STX3: variants seen among roughly 807,000 people sequenced by gnomAD.
STX3 encodes syntaxin-3.
In STX3, 19 loss-of-function variants were observed where a neutral mutation model predicts 40.2. The observed-to-expected ratio is 0.47, with a 90% CI of 0.33 to 0.69. STX3 has a LOEUF of 0.69. Among genes scored for constraint, STX3 ranks in the 30% least tolerant of loss-of-function variants. STX3 has a pLI of 0.02. For synonymous variants in STX3, 122 were observed against 132.2 expected, an observed-to-expected ratio of 0.92 and a Z score of 0.53; for missense variants, 364 against 366.7, an observed-to-expected ratio of 0.99 and a Z score of 0.06.
intron 2 of STX3, 79 bp from the exon 3 acceptor site, chr11:59,786,958 A>C: frequency 7.9e-7 from 1 of 1,259,084 alleles, no homozygotes; most frequent in Non-Finnish European, 1.1e-6. Flanking sequence ...TTTCACCAGC[A>C]GCTCTGCCAA....
At chr11:59,766,004 A>C (rs561404883) in intron 1 of STX3, among the ~76,000 whole-genome samples, 1 of 152,222 alleles carries the variant, frequency 6.6e-6, no homozygotes, top group Non-Finnish European at 1.5e-5. Flanking sequence ...CCACCGGCCC[A>C]CAAATCTTTA....
chr11:59,758,091 A>T (rs1195177564), intron 1 of STX3, among the ~76,000 whole-genome samples: 8 of 152,154 alleles, frequency 5.3e-5, no homozygotes, highest in Non-Finnish European at 1.0e-4. Flanking sequence ...CGATAACTGG[A>T]GGGCTTTCCG....
rs1350456432 is a variant in STX3 at position 59,799,883 on chromosome 11, A to G, written c.*31-972A>G. Reference sequence around the variant, plus strand: ...CTTGACTTTTTTGTATGTGAACTTTAAATTTTGGTTTGGCTCTGAACAATC... The same window carrying G: ...CTTGACTTTTTTGTATGTGAACTTTGAATTTTGGTTTGGCTCTGAACAATC... On this transcript the variant is annotated intron_variant, in intron 10 of 10. Transcript: ENST00000337979. The G allele has an allele frequency of 3.0e-6, 3 of 985,024 alleles. No homozygotes were observed. The African/African-American group carries it at 5.3e-5, about 17-fold the overall frequency. 61.0% of individuals were successfully genotyped at this position (985,024 alleles called of 1,614,324 possible). A position where few individuals can be genotyped will look rare whatever the true frequency, so the allele number is the denominator to read the frequency against.
In STX3 at chr11:59,791,005, A is replaced by AGACCCAGCAGGAGGATGC. The variant is rs534774585; in HGVS notation, c.357+440_357+457dup. Among the ~76,000 whole-genome samples the AGACCCAGCAGGAGGATGC allele has an allele frequency of 7.5e-3, 1,138 of 152,260 alleles. 14 individuals carry two copies. The highest frequency in any genetic ancestry group is 0.026 in the African/African-American group (1,061 of 41,508). On this transcript the variant is annotated intron_variant, in intron 5 of 10. Transcript: ENST00000337979. ...AAGCGGCATGGAAAGCTATTACCTA[A>AGACCCAGCAGGAGGATGC]GACCCAGCAGGAGGATGCGACCCAG...
chr11:59,805,192 A>G lies in STX3; in HGVS notation c.*4368A>G, dbSNP rs1471608204. On this transcript the variant is annotated 3_prime_UTR_variant, in exon 11 of 11. Transcript: ENST00000337979. ...AATTCCATCTAAAAAAAAAAAAAAA[A>G]CAAAAAAAAAAAACTGTTCTTAATA... 1 of 147,806 alleles carries G rather than the reference A, an allele frequency of 6.8e-6. No individual in the cohort carries two copies. Among genetic ancestry groups the G allele is most frequent in the South Asian group, 2.1e-4 (1 of 4,714 alleles). 9.2% of individuals were successfully genotyped at this position (147,806 alleles called of 1,614,324 possible). A position where few individuals can be genotyped will look rare whatever the true frequency, so the allele number is the denominator to read the frequency against.
Position 59,805,197 on chromosome 11 carries a change from AAAAAAAAAC to A in STX3, c.*4374_*4382del, listed in dbSNP as rs1866041780. ...CATCTAAAAAAAAAAAAAAAACAAA[AAAAAAAAAC>A]TGTTCTTAATACTTAATACTGTCCC... On this transcript the variant is annotated 3_prime_UTR_variant, in exon 11 of 11. Coordinates refer to ENST00000337979, the MANE Select transcript of STX3 (RefSeq NM_004177.5). 6.6e-6 allele frequency: 1 copy of A among 150,754 alleles called. No individual in the cohort carries two copies. Among genetic ancestry groups the A allele is most frequent in the Non-Finnish European group, 1.5e-5 (1 of 67,968 alleles). 9.3% of individuals were successfully genotyped at this position (150,754 alleles called of 1,614,324 possible).
Position 59,757,026 on chromosome 11 carries a change from G to T in STX3, c.30+1391G>T, listed in dbSNP as rs573927368. ...GGGAAGTGAGAGAAGCAAAGGGACA[G>T]TTGCCTATTGTGGGAGTGGCCTCTC... On this transcript the variant is annotated intron_variant, in intron 1 of 10. Transcript: ENST00000337979. Among the ~76,000 whole-genome samples the T allele has an allele frequency of 5.9e-5, 9 of 152,322 alleles. No individual in the cohort carries two copies. The East Asian group carries it at 1.2e-3, about 20-fold the overall frequency.
intron 1 of STX3, among the ~76,000 whole-genome samples, chr11:59,756,269 GTTAC>G (rs1862711969): frequency 6.6e-6 from 1 of 152,280 alleles, no homozygotes; most frequent in African/African-American, 2.4e-5. Context: ...AAAGCCTTAG[GTTAC>G]TTACTGTGAG....
chr11:59,787,383 C>G (rs1864846154), intron 3 of STX3, among the ~76,000 whole-genome samples: 1 of 152,166 alleles, frequency 6.6e-6, no homozygotes, highest in South Asian at 2.1e-4. Flanking sequence ...CAGCTAGTCC[C>G]TCTTCCTGAC....
chr11:59,757,294 T>A (rs1862773161), intron 1 of STX3, among the ~76,000 whole-genome samples: 1 of 152,072 alleles, frequency 6.6e-6, no homozygotes, highest in African/African-American at 2.4e-5. Flanking sequence ...AAGAGCACGA[T>A]TTTGAAGATC....
intron 1 of STX3, among the ~76,000 whole-genome samples, chr11:59,764,883 CTATTATTAT>C (rs71454394): frequency 0.062 from 9,066 of 145,134 alleles, 377 homozygotes; most frequent in East Asian, 0.15. Flanking sequence ...CACACATTAT[CTATTATTAT>C]TATTATTATT....
rs1025676080 is a variant in STX3, at chr11:59,768,961, G to A, written c.31-4250G>A. 2.5e-4 allele frequency among the ~76,000 whole-genome samples: 38 copies of A among 152,172 alleles called. 1 individual carries two copies. Among genetic ancestry groups the A allele is most frequent in the Admixed American group, 2.5e-3 (38 of 15,280 alleles). On this transcript the variant is annotated intron_variant, in intron 1 of 10. Coordinates refer to ENST00000337979, the MANE Select transcript of STX3 (RefSeq NM_004177.5). The stretch of plus-strand genomic sequence containing the variant: ...TGTTACATGGCTCTATTGCATAGTA[G>A]TGAGGTCTGGGCTTTTAGTGTATCC...
intron 1 of STX3, among the ~76,000 whole-genome samples, chr11:59,765,293 G>A (rs949881354): frequency 6.6e-6 from 1 of 152,154 alleles, no homozygotes; most frequent in African/African-American, 2.4e-5. Flanking sequence ...GAAACAGAGA[G>A]CATGGAGTGC....
intron 8 of STX3, among the ~76,000 whole-genome samples, chr11:59,794,403 A>G (rs1865396378): frequency 1.3e-5 from 2 of 152,138 alleles, no homozygotes. Flanking sequence ...TAGGAGAGAA[A>G]ATTGCTTCCA....
intron 2 of STX3, among the ~76,000 whole-genome samples, chr11:59,777,158 G>A (rs191200117): frequency 4.8e-4 from 73 of 152,298 alleles, no homozygotes; most frequent in Middle Eastern, 3.4e-3. Context: ...TGTCAGTAAG[G>A]TACCATGGGA....
intron 1 of STX3, among the ~76,000 whole-genome samples, chr11:59,760,724 T>C (rs1330608337): frequency 1.3e-5 from 2 of 152,222 alleles, no homozygotes; most frequent in Non-Finnish European, 2.9e-5. Flanking sequence ...TGAGATATTA[T>C]TCTCGTTTTA....
At chr11:59,759,120 A>G (rs1022815420) in intron 1 of STX3, among the ~76,000 whole-genome samples, 3 of 152,220 alleles carry the variant, frequency 2.0e-5, no homozygotes, top group African/African-American at 7.2e-5. Context: ...AGATATGTAA[A>G]GGTGGTTGGA....
chr11:59,802,569 T>G lies in STX3; in HGVS notation c.*1745T>G. On this transcript the variant is annotated 3_prime_UTR_variant, in exon 11 of 11. Coordinates refer to ENST00000337979, the MANE Select transcript of STX3 (RefSeq NM_004177.5). ...AAATAACTAAAGGCCTTTGCTCTCC[T>G]CTGACATTGAGGCCTGGGGCTTACA... 1 of 985,880 alleles carries G rather than the reference T, an allele frequency of 1.0e-6. No homozygotes were observed. Among genetic ancestry groups the G allele is most frequent in the Non-Finnish European group, 1.2e-6 (1 of 829,922 alleles). The allele number at this position is 985,880 out of a possible 1,614,324, so 61.1% of individuals were successfully genotyped here. A position where few individuals can be genotyped will look rare whatever the true frequency, so the allele number is the denominator to read the frequency against.
intron 8 of STX3, 22 bp from the exon 9 acceptor site, chr11:59,795,350 G>C: frequency 6.3e-7 from 1 of 1,596,582 alleles, no homozygotes. Flanking sequence ...TACTTGGTGT[G>C]ATCAGAGTCT....
Sources: allele counts gnomAD v4.1 joint callset (sites outside exome capture counted in the v4.1 genomes callset), GRCh38; gene constraint gnomAD v4.1.1; transcripts MANE v1.5; gene names NCBI Gene and HGNC (gene_info 2026-07-23, HGNC 2026-07-21).